Variants in SMARCA2 observed in about 807,000 individuals in gnomAD.
The protein encoded by SMARCA2 is SWI/SNF-related matrix-associated actin-dependent regulator of chromatin subfamily A member 2.
Under a neutral mutation model 199.8 loss-of-function variants are expected in SMARCA2, and 61 were observed. That is an observed-to-expected ratio of 0.31 (90% confidence interval 0.25 to 0.38). The LOEUF (loss-of-function observed/expected upper bound fraction) is 0.38. Among genes scored for constraint, SMARCA2 ranks in the 10% least tolerant of loss-of-function variants. The pLI, the probability that SMARCA2 is intolerant of heterozygous loss-of-function variation, is 1.00. For synonymous variants in SMARCA2, 935 were observed against 732.0 expected, an observed-to-expected ratio of 1.28 and a Z score of -4.48; for missense variants, 1,344 against 2,012.2, an observed-to-expected ratio of 0.67 and a Z score of 6.35.
At chr9:2,184,222 C>T (rs1827263049) in intron 31 of SMARCA2, among the ~76,000 whole-genome samples, 1 of 152,162 alleles carries the variant, frequency 6.6e-6, no homozygotes, top group African/African-American at 2.4e-5. Flanking sequence ...TCACCTGCTT[C>T]CCCAGTTACA....
At chr9:2,059,280 G>A (rs1352055113) in intron 8 of SMARCA2, among the ~76,000 whole-genome samples, 1 of 152,136 alleles carries the variant, frequency 6.6e-6, no homozygotes, top group Admixed American at 6.5e-5. Context: ...TTATGTTCCT[G>A]GAAAATTCTA....
At chr9:2,192,641 G>C in intron 33 of SMARCA2, 63 bp from the exon 34 acceptor site, 1 of 1,154,816 alleles carries the variant, frequency 8.7e-7, no homozygotes, top group South Asian at 1.2e-5. Flanking sequence ...ATGGTTTGTT[G>C]TTATATCTTC....
intron 21 of SMARCA2, among the ~76,000 whole-genome samples, chr9:2,098,756 T>A (rs1336610772): frequency 6.6e-6 from 1 of 152,078 alleles, no homozygotes. Flanking sequence ...GCCAACATGG[T>A]GAAACCCCGT....
intron 19 of SMARCA2, among the ~76,000 whole-genome samples, chr9:2,093,225 T>G (rs949669944): frequency 6.6e-6 from 1 of 152,198 alleles, no homozygotes; most frequent in African/African-American, 2.4e-5. Flanking sequence ...TCAGGTGGTT[T>G]AGGACGGGGT....
intron 15 of SMARCA2, among the ~76,000 whole-genome samples, chr9:2,082,308 TGTG>T (rs1394193695): frequency 1.1e-3 from 20 of 18,920 alleles, no homozygotes; most frequent in South Asian, 1.9e-3. Flanking sequence ...AGGGGAAAGG[TGTG>T]TGTGTGTGTG....
chr9:2,070,151 T>C (rs536837726), intron 9 of SMARCA2, among the ~76,000 whole-genome samples: 2 of 152,362 alleles, frequency 1.3e-5, no homozygotes, highest in East Asian at 3.9e-4. Flanking sequence ...TGTCTTAAGC[T>C]CTTTGGGTCC....
rs112627674 is a variant in SMARCA2 at position 2,054,362 on chromosome 9, A to G, written c.1047-235A>G. Among the ~76,000 whole-genome samples the G allele has an allele frequency of 1.7e-3, 253 of 152,312 alleles. 2 individuals are homozygous for G. The highest frequency in any genetic ancestry group is 5.7e-3 in the African/African-American group (237 of 41,556). On this transcript the variant is annotated intron_variant, in intron 5 of 33. Coordinates refer to ENST00000349721, the MANE Select transcript of SMARCA2 (RefSeq NM_003070.5). ...GAACCTTCTTTCCCTAGTGTTAGATAGAGGTTATGGAGGAAGCCACATTGT... is the reference window on the plus strand; with the variant it reads ...GAACCTTCTTTCCCTAGTGTTAGATGGAGGTTATGGAGGAAGCCACATTGT...
intron 29 of SMARCA2, among the ~76,000 whole-genome samples, chr9:2,171,391 A>G (rs1320590052): frequency 6.6e-6 from 1 of 152,250 alleles, no homozygotes; most frequent in East Asian, 1.9e-4. Context: ...CGTGTATTTC[A>G]GAATGAACAC....
intron 27 of SMARCA2, chr9:2,158,841 T>G (rs1482697382): frequency 1.1e-5 from 12 of 1,141,584 alleles, no homozygotes; most frequent in Non-Finnish European, 1.3e-5. Flanking sequence ...TGAATTGATT[T>G]CCATTAGAAA....
chr9:2,071,261 T>C (rs1425332918), intron 10 of SMARCA2, among the ~76,000 whole-genome samples: 3 of 152,190 alleles, frequency 2.0e-5, no homozygotes, highest in Non-Finnish European at 2.9e-5. Flanking sequence ...AAAAAAAAGA[T>C]TGAACCACTA....
chr9:2,183,127 T>G (rs1827174902), intron 31 of SMARCA2, among the ~76,000 whole-genome samples: 2 of 152,244 alleles, frequency 1.3e-5, no homozygotes, highest in Non-Finnish European at 2.9e-5. Context: ...GGGATTCAAG[T>G]AAATCATTGA....
intron 1 of SMARCA2, among the ~76,000 whole-genome samples, chr9:2,028,051 G>A (rs764154919): frequency 1.3e-5 from 2 of 152,190 alleles, no homozygotes; most frequent in Admixed American, 1.3e-4. Flanking sequence ...TGTGGGTGGT[G>A]GAATATAGTT....
At chr9:2,153,066 C>CAAA (rs1563806736) in intron 27 of SMARCA2, among the ~76,000 whole-genome samples, 16 of 151,386 alleles carry the variant, frequency 1.1e-4, no homozygotes, top group South Asian at 4.2e-4. Flanking sequence ...AAACAAACAA[C>CAAA]CAAAAAAACA....
chr9:2,102,429 G>A (rs568834450), intron 22 of SMARCA2, among the ~76,000 whole-genome samples: 35 of 152,218 alleles, frequency 2.3e-4, no homozygotes, highest in Non-Finnish European at 3.4e-4. Flanking sequence ...GATGGATGTC[G>A]GGAAGACATA....
At chr9:2,118,153 G>A (rs1298301398) in intron 25 of SMARCA2, among the ~76,000 whole-genome samples, 1 of 152,128 alleles carries the variant, frequency 6.6e-6, no homozygotes, top group Non-Finnish European at 1.5e-5. Context: ...GAAAGTAGGC[G>A]AAGCGGGACA....
chr9:2,132,311 C>T (rs1207855220), intron 27 of SMARCA2, among the ~76,000 whole-genome samples: 1 of 152,242 alleles, frequency 6.6e-6, no homozygotes, highest in African/African-American at 2.4e-5. Context: ...AATGCCTCCT[C>T]TGGGCTGCAT....
At position 2,150,795 on chromosome 9, in the gene SMARCA2, G is replaced by A. The variant is rs185367210; in HGVS notation, c.3982-10891G>A. ...CTGGAAGTCTGAGATCAAGGTGTCA[G>A]CAGGTTTGGTTTCTTCTGAGACTTC... On this transcript the variant is annotated intron_variant, in intron 27 of 33. Coordinates refer to ENST00000349721, the MANE Select transcript of SMARCA2 (RefSeq NM_003070.5). 7.4e-4 allele frequency among the ~76,000 whole-genome samples: 112 copies of A among 151,704 alleles called. 1 individual carries two copies. Among genetic ancestry groups the A allele is most frequent in the Non-Finnish European group, 1.4e-3 (96 of 67,710 alleles).
intron 29 of SMARCA2, chr9:2,181,221 T>C (rs1221062319): frequency 9.9e-6 from 2 of 202,140 alleles, no homozygotes; most frequent in Non-Finnish European, 2.0e-5. Context: ...TATATACATA[T>C]ATATTTACCA....
rs372543577 is a variant in SMARCA2 at position 2,029,688 on chromosome 9, T to C, written c.225+441T>C. ...AAAGAGTAGAAGGAAAAAGTCCTTA[T>C]CTAAAGGATTTTTTGGAAAGGGCTT... On this transcript the variant is annotated intron_variant, in intron 2 of 33. Coordinates refer to ENST00000349721, the MANE Select transcript of SMARCA2 (RefSeq NM_003070.5). Among the ~76,000 whole-genome samples the C allele has an allele frequency of 4.9e-4, 75 of 152,346 alleles. No homozygotes were observed. The South Asian group carries it at 0.014, about 29-fold the overall frequency.
Sources: allele counts gnomAD v4.1 joint callset (sites outside exome capture counted in the v4.1 genomes callset), GRCh38; gene constraint gnomAD v4.1.1; transcripts MANE v1.5; gene names NCBI Gene and HGNC (gene_info 2026-07-23, HGNC 2026-07-21).